The following KIF6 variants were observed in gnomAD, a reference collection of about 807,000 sequenced individuals.
The protein encoded by KIF6 is kinesin-like protein KIF6.
Under a neutral mutation model 112.7 loss-of-function variants are expected in KIF6, and 106 were observed. The observed-to-expected ratio is 0.94, with a 90% CI of 0.80 to 1.11. The LOEUF is 1.11. Ranked by LOEUF, KIF6 falls within the 50% of genes least tolerant of loss-of-function variation. KIF6 has a pLI of 0.00. For synonymous variants in KIF6, 339 were observed against 339.9 expected (o/e 1.00, Z 0.03); for missense variants, 929 against 964.0 (o/e 0.96, Z 0.48).
At chr6:39,614,011 A>G (rs1287479262) in intron 5 of KIF6, among the ~76,000 whole-genome samples, 2 of 152,116 alleles carry the variant, frequency 1.3e-5, no homozygotes, top group Admixed American at 1.3e-4. Flanking sequence ...CTCTATTACA[A>G]CTACCTTAAT....
At chr6:39,516,167 C>T (rs1777074650) in intron 13 of KIF6, among the ~76,000 whole-genome samples, 1 of 152,084 alleles carries the variant, frequency 6.6e-6, no homozygotes, top group Non-Finnish European at 1.5e-5. Context: ...CCTGTGTCTA[C>T]TACAATGTGT....
chr6:39,427,350 A>C, intron 14 of KIF6, among the ~76,000 whole-genome samples: 1 of 152,156 alleles, frequency 6.6e-6, no homozygotes, highest in South Asian at 2.1e-4. Context: ...CCTTCCTTTG[A>C]TGTCTGTTGT....
intron 3 of KIF6, among the ~76,000 whole-genome samples, chr6:39,708,380 C>T (rs1272667144): frequency 1.3e-5 from 2 of 152,156 alleles, no homozygotes; most frequent in African/African-American, 4.8e-5. Flanking sequence ...AAAGGCTGCT[C>T]CTGATAATGT....
intron 5 of KIF6, among the ~76,000 whole-genome samples, chr6:39,627,444 G>C (rs910240611): frequency 6.6e-6 from 1 of 152,154 alleles, no homozygotes; most frequent in African/African-American, 2.4e-5. Flanking sequence ...CAAACATGGT[G>C]CCTAGCACAA....
At chr6:39,586,559 A>G (rs1417116962) in intron 7 of KIF6, among the ~76,000 whole-genome samples, 155 bp from the exon 8 acceptor site, 1 of 152,250 alleles carries the variant, frequency 6.6e-6, no homozygotes, top group Non-Finnish European at 1.5e-5. Flanking sequence ...TATCTTGACA[A>G]CAATATTCAG....
intron 13 of KIF6, among the ~76,000 whole-genome samples, chr6:39,514,238 G>A (rs1776938806): frequency 6.6e-6 from 1 of 152,160 alleles, no homozygotes; most frequent in Non-Finnish European, 1.5e-5. Context: ...AAAATGTCTA[G>A]ATCTAGGCAT....
intron 22 of KIF6, among the ~76,000 whole-genome samples, chr6:39,339,161 G>A (rs9462534): frequency 0.13 from 20,138 of 152,126 alleles, 3,369 homozygotes; most frequent in African/African-American, 0.39. Context: ...CACTACAGAT[G>A]TACCATTAAG....
At chr6:39,426,737 T>C (rs556966531) in intron 14 of KIF6, among the ~76,000 whole-genome samples, 1 of 151,852 alleles carries the variant, frequency 6.6e-6, no homozygotes, top group South Asian at 2.1e-4. Context: ...GGCGACAGAG[T>C]GAGACTCTGT....
intron 3 of KIF6, among the ~76,000 whole-genome samples, chr6:39,669,123 G>A (rs1786655950): frequency 6.6e-6 from 1 of 152,130 alleles, no homozygotes; most frequent in Admixed American, 6.5e-5. Context: ...ATCTTGCAGA[G>A]TTGCAAAAAC....
At chr6:39,449,996 T>C (rs1456149161) in intron 13 of KIF6, among the ~76,000 whole-genome samples, 1 of 152,242 alleles carries the variant, frequency 6.6e-6, no homozygotes, top group Non-Finnish European at 1.5e-5. Context: ...TTTTCATTTT[T>C]GGGAGTTTGT....
rs1205038110 is a variant in KIF6 at position 39,378,385 on chromosome 6, A to G, written c.1861+7237T>C. Among the ~76,000 whole-genome samples, 1 of 152,022 alleles carries G rather than the reference A, an allele frequency of 6.6e-6. No individual in the cohort carries two copies. The highest frequency in any genetic ancestry group is 1.5e-5 in the Non-Finnish European group (1 of 67,996). ...CGTGCCACATATACATACAATACAT[A>G]CAACATACCCACACTGCACACATAC... On this transcript the variant is annotated intron_variant, in intron 16 of 22. Coordinates refer to ENST00000287152, the MANE Select transcript of KIF6 (RefSeq NM_145027.6). The surrounding 1 kb of genome is among the most constrained non-coding windows in gnomAD (Gnocchi z 5.0).
intron 13 of KIF6, among the ~76,000 whole-genome samples, chr6:39,454,947 G>C (rs1250469620): frequency 6.6e-6 from 1 of 152,082 alleles, no homozygotes; most frequent in East Asian, 1.9e-4. Flanking sequence ...TGGGGGAGGG[G>C]CGCCCGCCAT....
intron 3 of KIF6, among the ~76,000 whole-genome samples, chr6:39,673,268 A>G (rs1485111237): frequency 6.6e-6 from 1 of 152,184 alleles, no homozygotes; most frequent in African/African-American, 2.4e-5. Flanking sequence ...GCTATTTTTT[A>G]GCTTCTATAA....
intron 10 of KIF6, 38 bp from the exon 11 acceptor site, chr6:39,545,726 A>C (rs1322742553): frequency 7.5e-7 from 1 of 1,333,278 alleles, no homozygotes; most frequent in African/African-American, 1.4e-5. Flanking sequence ...ACTGTGAGCT[A>C]GAAGCTTTAA....
intron 10 of KIF6, among the ~76,000 whole-genome samples, chr6:39,573,752 T>A (rs1780770610): frequency 6.6e-6 from 1 of 152,218 alleles, no homozygotes; most frequent in African/African-American, 2.4e-5. Flanking sequence ...ATTATTGATA[T>A]CTCTGCATTC....
At chr6:39,360,579 G>A (rs777015734) in intron 17 of KIF6, 49 bp from the exon 18 acceptor site, 22 of 1,608,998 alleles carry the variant, frequency 1.4e-5, no homozygotes, top group Admixed American at 3.3e-5. Context: ...TTGAAAGCAC[G>A]GCATGGATGC....
intron 16 of KIF6, among the ~76,000 whole-genome samples, chr6:39,365,283 A>G (rs1259708397): frequency 6.6e-6 from 1 of 152,186 alleles, no homozygotes; most frequent in African/African-American, 2.4e-5. Flanking sequence ...CATTATCTAA[A>G]CACAGGACAT....
At chr6:39,451,241 C>T (rs1772682324) in intron 13 of KIF6, among the ~76,000 whole-genome samples, 1 of 152,070 alleles carries the variant, frequency 6.6e-6, no homozygotes, top group Admixed American at 6.6e-5. Flanking sequence ...CTGAGGGCAA[C>T]AGACAAGAGA....
chr6:39,447,832 C>T lies in KIF6; in HGVS notation c.1646-16671G>A, dbSNP rs373423931. Reference sequence around the variant, plus strand: ...CCAATGGACTTCCATCCCCTATACTCCACTGAAATTGTCCTTTCAAGATCC... The same window carrying T: ...CCAATGGACTTCCATCCCCTATACTTCACTGAAATTGTCCTTTCAAGATCC... On this transcript the variant is annotated intron_variant, in intron 13 of 22. Transcript: ENST00000287152. 9.2e-5 allele frequency among the ~76,000 whole-genome samples: 14 copies of T among 152,332 alleles called. No homozygotes were observed. The East Asian group carries it at 2.5e-3, about 27-fold the overall frequency.
Sources: gnomAD v4.1 joint callset for allele counts (sites outside exome capture counted in the v4.1 genomes callset) on GRCh38, gnomAD v4.1.1 for gene constraint, Gnocchi (gnomAD v3.1) non-coding constraint, MANE v1.5 for transcripts, NCBI Gene and HGNC (gene_info 2026-07-23, HGNC 2026-07-21) for gene names.